EVPLL: variants seen among roughly 807,000 people sequenced by gnomAD.
The protein encoded by EVPLL is envoplakin-like protein.
Under a neutral mutation model 46.2 loss-of-function variants are expected in EVPLL, and 39 were observed. That is an observed-to-expected ratio of 0.84 (90% CI 0.65 to 1.10). The LOEUF is 1.10. EVPLL is among the 50% of genes least tolerant of loss of function. The pLI is 0.00. For synonymous variants in EVPLL, 156 were observed against 165.8 expected (o/e 0.94, Z 0.46); for missense variants, 385 against 412.6 (o/e 0.93, Z 0.58).
intron 6 of EVPLL, 42 bp downstream of exon 6, chr17:18,382,906 C>T: frequency 6.3e-7 from 1 of 1,593,190 alleles, no homozygotes; most frequent in Non-Finnish European, 8.6e-7. Context: ...TGCAGGTGGG[C>T]CTGGGTGGCC....
At position 18,380,896 on chromosome 17, in the gene EVPLL, A is replaced by G; in HGVS notation, c.-36-6A>G. Reference sequence around the variant, plus strand: ...GAGCTGCCCACTGTCCCCTCCACCCACCAAGAATGCCACCCAGGAGCTGAC... The same window carrying G: ...GAGCTGCCCACTGTCCCCTCCACCCGCCAAGAATGCCACCCAGGAGCTGAC... On this transcript the variant is annotated splice_polypyrimidine_tract_variant and splice_region_variant and intron_variant, in intron 1 of 10. Coordinates refer to ENST00000399134, the MANE Select transcript of EVPLL (RefSeq NM_001145127.2). 1.3e-6 allele frequency: 2 copies of G among 1,563,824 alleles called. No individual in the cohort carries two copies. Among genetic ancestry groups the G allele is most frequent in the South Asian group, 2.4e-5 (2 of 84,542 alleles).
chr17:18,381,298 C>A lies in EVPLL; in HGVS notation c.64-69C>A. 6.8e-7 allele frequency: 1 copy of A among 1,479,728 alleles called. No individual in the cohort carries two copies. 91.7% of individuals were successfully genotyped at this position (1,479,728 alleles called of 1,614,324 possible). A position where few individuals can be genotyped will look rare whatever the true frequency, so the allele number is the denominator to read the frequency against. ...GGGGTCCCAAAGGTGGGGCTCAGGC[C>A]CACAATGATGGGCAGCAGGGGTGTG... On this transcript the variant is annotated intron_variant, in intron 2 of 10. Coordinates refer to ENST00000399134, the MANE Select transcript of EVPLL (RefSeq NM_001145127.2). The surrounding 1 kb of genome is among the most constrained non-coding windows in gnomAD (Gnocchi z 4.2).
chr17:18,380,834 C>T (rs1383281196), intron 1 of EVPLL, 68 bp from the exon 2 acceptor site: 115 of 1,355,710 alleles, frequency 8.5e-5, no homozygotes, highest in Admixed American at 2.2e-4. Flanking sequence ...GGGCAGGGGA[C>T]GCCACCTGGA....
intron 9 of EVPLL, among the ~76,000 whole-genome samples, chr17:18,385,126 T>C (rs1987728930): frequency 6.6e-6 from 1 of 150,664 alleles, no homozygotes. Context: ...GGTGCAGTTG[T>C]AGGTCACCAT....
chr17:18,382,728 G>A lies in EVPLL; in HGVS notation c.472+90G>A, dbSNP rs561230092. ...CGGAGCTAGATCGGCTGGGCCCTGG[G>A]GATAGGGGTGGGTGGGGTATGGCTT... On this transcript the variant is annotated intron_variant, in intron 5 of 10. Transcript: ENST00000399134. 13 of 1,558,682 alleles carry A rather than the reference G, an allele frequency of 8.3e-6. No homozygotes were observed. In the African/African-American group the frequency reaches 1.4e-4, roughly 16 times the overall value.
chr17:18,385,646 C>A (rs981774556), intron 9 of EVPLL, among the ~76,000 whole-genome samples: 1 of 150,650 alleles, frequency 6.6e-6, no homozygotes, highest in Non-Finnish European at 1.5e-5. Context: ...CAGTAGGCAG[C>A]AAGGAAAGGG....
Position 18,378,292 on chromosome 17 carries a change from C to T in EVPLL, c.-37+309C>T, listed in dbSNP as rs535502756. On this transcript the variant is annotated intron_variant, in intron 1 of 10. Transcript: ENST00000399134. Reference sequence around the variant, plus strand: ...TGCCGGACAGGAGCCTGCACTGATGCCCTCCTCTGCCAGAGGCTGGGACAC... The same window carrying T: ...TGCCGGACAGGAGCCTGCACTGATGTCCTCCTCTGCCAGAGGCTGGGACAC... 1.6e-4 allele frequency among the ~76,000 whole-genome samples: 24 copies of T among 152,320 alleles called. 1 individual carries two copies. The East Asian group carries it at 4.6e-3, about 29-fold the overall frequency.
At chr17:18,383,443 G>C in intron 8 of EVPLL, 49 bp from the exon 9 acceptor site, 1 of 1,536,736 alleles carries the variant, frequency 6.5e-7, no homozygotes, top group African/African-American at 1.4e-5. Context: ...GGGTGGACGT[G>C]GGTGCGGGGG....
rs771385973 is a variant in EVPLL at position 18,381,606 on chromosome 17, C to A, written c.222C>A (p.Ile74=). The change falls in exon 4 of 11, where the codon ATC becomes ATA. Residue 74 remains isoleucine, a synonymous_variant. Transcript: ENST00000399134. This position sits in a 1 kb window ranked among gnomAD's most constrained non-coding sequence, Gnocchi z 4.2. The part of the protein sequence containing the change: ...HPQAEETEKD[I]EQLHERVTQE... Reference sequence around the variant, plus strand: ...CTGCTGGCCACCTTCTTGACAGCATCGAGCAGCTGCACGAGCGGGTGACCC... The same window carrying A: ...CTGCTGGCCACCTTCTTGACAGCATAGAGCAGCTGCACGAGCGGGTGACCC... The A allele has an allele frequency of 6.8e-6, 11 of 1,613,958 alleles. No individual in the cohort carries two copies. The East Asian group carries it at 2.2e-4, about 33-fold the overall frequency.
At chr17:18,382,180 G>A (rs1280929036) in intron 4 of EVPLL, 1 of 351,124 alleles carries the variant, frequency 2.8e-6, no homozygotes, top group African/African-American at 2.1e-5. Context: ...GGCGTTCTGA[G>A]GGCCCTAGAG....
At position 18,381,689 on chromosome 17, in the gene EVPLL, G is replaced by A. The variant is rs1398650179; in HGVS notation, c.305G>A (p.Gly102Glu). The A allele has an allele frequency of 6.2e-7, 1 of 1,614,190 alleles. No homozygotes were observed. The highest frequency in any genetic ancestry group is 1.7e-5 in the Admixed American group (1 of 60,030). The part of the protein sequence containing the change: ...YEKMVLPPRR[G>E]IQGRLGTRAG... Reference sequence around the variant, plus strand: ...AAGATGGTGCTGCCGCCCCGACGTGGGATCCAAGGTCGACTGGGCACACGT... The same window carrying A: ...AAGATGGTGCTGCCGCCCCGACGTGAGATCCAAGGTCGACTGGGCACACGT... Residue 102 changes from glycine (G) to glutamate (E), a missense_variant, in exon 4 of 11, where the codon GGG becomes GAG. Coordinates refer to ENST00000399134, the MANE Select transcript of EVPLL (RefSeq NM_001145127.2). This position sits in a 1 kb window ranked among gnomAD's most constrained non-coding sequence, Gnocchi z 4.2.
chr17:18,377,888 G>A lies in EVPLL; in HGVS notation c.-132G>A. The A allele has an allele frequency of 1.8e-6, 2 of 1,102,580 alleles. No homozygotes were observed. Among genetic ancestry groups the A allele is most frequent in the South Asian group, 1.5e-5 (1 of 65,186 alleles). The allele number at this position is 1,102,580 out of a possible 1,614,324, so 68.3% of individuals were successfully genotyped here. A position where few individuals can be genotyped will look rare whatever the true frequency, so the allele number is the denominator to read the frequency against. Reference sequence around the variant, plus strand: ...AGCCAGCACCTGCCTTTATGACCATGTTCAAGGGACTGAGCAAAGGCTCCC... The same window carrying A: ...AGCCAGCACCTGCCTTTATGACCATATTCAAGGGACTGAGCAAAGGCTCCC... On this transcript the variant is annotated 5_prime_UTR_variant, in exon 1 of 11. An upstream start codon of the reference 5' UTR is lost. Coordinates refer to ENST00000399134, the MANE Select transcript of EVPLL (RefSeq NM_001145127.2).
chr17:18,379,656 T>G (rs907093208), intron 1 of EVPLL, among the ~76,000 whole-genome samples: 2 of 152,216 alleles, frequency 1.3e-5, no homozygotes, highest in African/African-American at 4.8e-5. Flanking sequence ...TCGTTTGACA[T>G]GAACTTACTG....
chr17:18,387,873 C>A (rs1987819473), intron 9 of EVPLL: 1 of 152,266 alleles, frequency 6.6e-6, no homozygotes, highest in Non-Finnish European at 1.5e-5. Context: ...AGCAGCCAGG[C>A]ATGGGGGCCC....
intron 9 of EVPLL, chr17:18,386,421 A>G (rs1290032919): frequency 1.0e-5 from 1 of 95,888 alleles, no homozygotes; most frequent in African/African-American, 4.5e-5. Flanking sequence ...AACCCACCAC[A>G]TAGGCCCTCC....
At chr17:18,383,902 G>C (rs1452912470) in intron 9 of EVPLL, among the ~76,000 whole-genome samples, 1 of 152,162 alleles carries the variant, frequency 6.6e-6, no homozygotes, top group Non-Finnish European at 1.5e-5. Context: ...GAACCCAGGA[G>C]GCGGAGGTTG....
chr17:18,382,796 C>T lies in EVPLL; in HGVS notation c.473-30C>T, dbSNP rs776065550. 9 of 1,609,538 alleles carry T rather than the reference C, an allele frequency of 5.6e-6. 1 individual carries two copies. In the South Asian group the frequency reaches 7.7e-5, roughly 14 times the overall value. ...CCGTCTCCCTGTGCCCCACCTCTCA[C>T]GGGCTTGTTTCTCCCCTTGGTCAAG... On this transcript the variant is annotated intron_variant, in intron 5 of 10. Transcript: ENST00000399134.
intron 1 of EVPLL, among the ~76,000 whole-genome samples, chr17:18,379,696 G>A (rs1430407314): frequency 6.6e-6 from 1 of 152,242 alleles, no homozygotes; most frequent in Non-Finnish European, 1.5e-5. Flanking sequence ...GACTGTTCTA[G>A]GCACTGGAGA....
At chr17:18,380,795 G>A in intron 1 of EVPLL, 107 bp from the exon 2 acceptor site, 2 of 925,996 alleles carry the variant, frequency 2.2e-6, no homozygotes, top group South Asian at 3.1e-5. Context: ...CAGTGTGCTA[G>A]GCTGTGGGGG....
Sources: allele counts gnomAD v4.1 joint callset (sites outside exome capture counted in the v4.1 genomes callset), GRCh38; gene constraint gnomAD v4.1.1; non-coding constraint Gnocchi (gnomAD v3.1); transcripts MANE v1.5; gene names NCBI Gene and HGNC (gene_info 2026-07-23, HGNC 2026-07-21).